The following AR variants were observed in gnomAD, a reference collection of about 807,000 sequenced individuals.
The protein encoded by AR is androgen receptor.
In AR, 8 loss-of-function variants were observed where a neutral mutation model predicts 53.9. The observed-to-expected ratio is 0.15, with a 90% CI of 0.09 to 0.27. The LOEUF (loss-of-function observed/expected upper bound fraction) is 0.27, where lower values mean the gene tolerates loss of function less well. AR is among the 10% of genes least tolerant of loss of function. The pLI is 1.00. For missense variants in AR, 639 were observed against 742.5 expected (o/e 0.86, Z 1.62); for synonymous variants, 359 against 316.4 (o/e 1.13, Z -1.43).
chrX:67,545,382 A>AGCAGCAGCC lies in AR; in HGVS notation c.239_240insGCAGCCGCA (p.Gln80_Glu81insGlnProGln). Reference sequence around the variant, plus strand: ...CAGCAGCAGCAGCAGCAGCAGCAGCAGCAAGAGACTAGCCCCAGGCAGCAG... The same window carrying AGCAGCAGCC: ...CAGCAGCAGCAGCAGCAGCAGCAGCAGCAGCAGCCGCAAGAGACTAGCCCCAGGCAGCAG... On this transcript the variant is annotated inframe_insertion, in exon 1 of 8. Transcript: ENST00000374690. The AGCAGCAGCC allele has an allele frequency of 8.4e-7, 1 of 1,187,247 alleles. No individual in the cohort carries two copies. Among genetic ancestry groups the AGCAGCAGCC allele is most frequent in the Non-Finnish European group, 1.1e-6 (1 of 883,541 alleles).
intron 2 of AR, among the ~76,000 whole-genome samples, chrX:67,685,427 A>T (rs1379981246): frequency 1.8e-5 from 2 of 111,539 alleles, no homozygotes; most frequent in African/African-American, 6.5e-5. Context: ...GATTCACTAC[A>T]TAGAGTGGGC....
In AR at chrX:67,722,125, C is replaced by T. The variant is rs2076138522; in HGVS notation, c.2449+162C>T. 6.2e-6 allele frequency: 4 copies of T among 650,165 alleles called. No homozygotes were observed. The East Asian group carries it at 1.5e-4, about 24-fold the overall frequency. 53.6% of individuals were successfully genotyped at this position (650,165 alleles called of 1,213,427 possible). A position where few individuals can be genotyped will look rare whatever the true frequency, so the allele number is the denominator to read the frequency against. On this transcript the variant is annotated intron_variant, in intron 6 of 7. Coordinates refer to ENST00000374690, the MANE Select transcript of AR (RefSeq NM_000044.6). ...CTCTACTCTCTCTCAGCATCATTTTCCTAACAAGAAACAATTTCATGACTA... is the reference window on the plus strand; with the variant it reads ...CTCTACTCTCTCTCAGCATCATTTTTCTAACAAGAAACAATTTCATGACTA...
At chrX:67,614,082 C>T in intron 1 of AR, among the ~76,000 whole-genome samples, 1 of 112,151 alleles carries the variant, frequency 8.9e-6, no homozygotes, top group South Asian at 3.7e-4. Context: ...CTATTCTGTA[C>T]TCAGAAGGCT....
intron 2 of AR, among the ~76,000 whole-genome samples, chrX:67,646,643 G>A (rs1018625375): frequency 1.8e-5 from 2 of 110,617 alleles, no homozygotes; most frequent in African/African-American, 6.6e-5. Flanking sequence ...CATAAACAGA[G>A]GTAAGGGCTC....
rs928370281 is a variant in AR at position 67,579,751 on chromosome X, T to G, written c.1616+32989T>G. On this transcript the variant is annotated intron_variant, in intron 1 of 7. Coordinates refer to ENST00000374690, the MANE Select transcript of AR (RefSeq NM_000044.6). ...ATCTGCTTTGAGCTCAAGCTCACTC[T>G]CGTTGGCTCTCTTCGTTTCTTCCTC... is the stretch of plus-strand genomic sequence containing the variant. Among the ~76,000 whole-genome samples the G allele has an allele frequency of 5.4e-5, 6 of 112,004 alleles. No individual in the cohort carries two copies. The South Asian group carries it at 1.1e-3, about 21-fold the overall frequency.
chrX:67,706,285 T>A (rs768243744), intron 3 of AR, among the ~76,000 whole-genome samples: 2 of 111,608 alleles, frequency 1.8e-5, no homozygotes, highest in South Asian at 7.6e-4. Context: ...CCTGGACTTT[T>A]TTTGGCTGGT....
At chrX:67,591,167 A>G (rs1336301644) in intron 1 of AR, among the ~76,000 whole-genome samples, 3 of 111,673 alleles carry the variant, frequency 2.7e-5, no homozygotes. Flanking sequence ...GCATGCTACT[A>G]GAAACAGAAT....
chrX:67,708,806 C>T, intron 3 of AR, among the ~76,000 whole-genome samples: 1 of 111,838 alleles, frequency 8.9e-6, no homozygotes, highest in South Asian at 3.7e-4. Context: ...TGGTGACATA[C>T]AGATGGGATT....
intron 1 of AR, among the ~76,000 whole-genome samples, chrX:67,639,377 G>A (rs1925624984): frequency 9.0e-6 from 1 of 111,341 alleles, no homozygotes; most frequent in African/African-American, 3.3e-5. Flanking sequence ...AGCTTGATGG[G>A]GTTAGTATTG....
rs1261699053 is a variant in AR, at chrX:67,722,875, T to C, written c.2498T>C (p.Met833Thr). 1 of 1,210,831 alleles carries C rather than the reference T, an allele frequency of 8.3e-7. No individual in the cohort carries two copies. The highest frequency in any genetic ancestry group is 1.1e-6 in the Non-Finnish European group (1 of 894,885). The change falls in exon 7 of 8, where the codon ATG (methionine) becomes ACG (threonine). Residue 833 changes from methionine (M) to threonine (T), a missense_variant. Coordinates refer to ENST00000374690, the MANE Select transcript of AR (RefSeq NM_000044.6). ...KNQKFFDELR[M>T]NYIKELDRII... ...CAAAAATTCTTTGATGAACTTCGAA[T>C]GAACTACATCAAGGAACTCGATCGT...
chrX:67,632,535 C>A (rs925203531), intron 1 of AR, among the ~76,000 whole-genome samples: 2 of 112,277 alleles, frequency 1.8e-5, no homozygotes, highest in African/African-American at 6.5e-5. Flanking sequence ...CCTGCGCCCA[C>A]TGTCTGGCAC....
chrX:67,660,017 G>A (rs1926801174), intron 2 of AR, among the ~76,000 whole-genome samples: 3 of 111,915 alleles, frequency 2.7e-5, no homozygotes, highest in Admixed American at 9.5e-5. Context: ...TGTCTTCTTT[G>A]AGACGTGTCT....
chrX:67,667,485 A>T (rs763571962), intron 2 of AR, among the ~76,000 whole-genome samples: 1 of 111,551 alleles, frequency 9.0e-6, no homozygotes, highest in African/African-American at 3.3e-5. Context: ...GAAATCAGGT[A>T]ATGTGATTCT....
At chrX:67,606,155 G>C (rs1233286294) in intron 1 of AR, among the ~76,000 whole-genome samples, 1 of 111,005 alleles carries the variant, frequency 9.0e-6, no homozygotes, top group Non-Finnish European at 1.9e-5. Context: ...AGAAAGTCAA[G>C]CTGAGGGAAG....
chrX:67,675,279 A>G (rs777171362), intron 2 of AR, among the ~76,000 whole-genome samples: 1 of 109,115 alleles, frequency 9.2e-6, no homozygotes, highest in Non-Finnish European at 1.9e-5. Flanking sequence ...GGGTGGCACA[A>G]GCACTCTCTT....
intron 1 of AR, among the ~76,000 whole-genome samples, chrX:67,559,999 A>G (rs773518605): frequency 7.1e-5 from 8 of 112,219 alleles, no homozygotes; most frequent in Non-Finnish European, 1.1e-4. Context: ...GAGATATTTC[A>G]GTCACCAACT....
intron 1 of AR, among the ~76,000 whole-genome samples, chrX:67,554,559 A>C: frequency 8.9e-6 from 1 of 112,072 alleles, no homozygotes; most frequent in Non-Finnish European, 1.9e-5. Flanking sequence ...GATAATTGTG[A>C]ATTAACTGCA....
rs2067547544 is a variant in AR at position 67,546,244 on chromosome X, C to T, written c.1098C>T (p.Asn366=). 2 of 1,211,062 alleles carry T rather than the reference C, an allele frequency of 1.7e-6. No homozygotes were observed. The change falls in exon 1 of 8, where the codon AAC becomes AAT. Residue 366 remains asparagine (N), a synonymous_variant. Coordinates refer to ENST00000374690, the MANE Select transcript of AR (RefSeq NM_000044.6). ...AAAYQSRDYY[N]FPLALAGPPP... is the part of the protein sequence containing the mutation. Reference sequence around the variant, plus strand: ...CGTACCAGAGTCGCGACTACTACAACTTTCCACTGGCTCTGGCCGGACCGC... The same window carrying T: ...CGTACCAGAGTCGCGACTACTACAATTTTCCACTGGCTCTGGCCGGACCGC...
intron 2 of AR, among the ~76,000 whole-genome samples, chrX:67,662,614 A>G (rs1461613675): frequency 1.8e-5 from 2 of 111,022 alleles, no homozygotes; most frequent in African/African-American, 6.6e-5. Context: ...ACTTCCAACT[A>G]TGTGGTCAAT....
Sources: allele counts gnomAD v4.1 joint callset (sites outside exome capture counted in the v4.1 genomes callset), GRCh38; gene constraint gnomAD v4.1.1; transcripts MANE v1.5; gene names NCBI Gene and HGNC (gene_info 2026-07-23, HGNC 2026-07-21).